The following NCOR1 variants were observed in gnomAD, a reference collection of about 807,000 sequenced individuals.
NCOR1 encodes the protein protein phosphatase 1, regulatory subunit 109.
In NCOR1, 63 loss-of-function variants were observed where a neutral mutation model predicts 288.1. The observed-to-expected ratio is 0.22, with a 90% CI of 0.18 to 0.27. NCOR1 has a LOEUF of 0.27. Ranked by LOEUF, NCOR1 falls within the 10% of genes least tolerant of loss-of-function variation. The pLI is 1.00. For missense variants in NCOR1, 2,397 were observed against 3,019.2 expected, an observed-to-expected ratio of 0.79 and a Z score of 4.83; for synonymous variants, 1,007 against 1,065.9, an observed-to-expected ratio of 0.94 and a Z score of 1.08.
intron 18 of NCOR1, among the ~76,000 whole-genome samples, chr17:16,113,035 C>G (rs919598508): frequency 2.0e-5 from 3 of 152,030 alleles, no homozygotes; most frequent in African/African-American, 7.3e-5. Context: ...CTCAGCCTCC[C>G]CAATGGCTGG....
At chr17:16,157,261 T>C (rs2079968022) in intron 6 of NCOR1, among the ~76,000 whole-genome samples, 1 of 152,216 alleles carries the variant, frequency 6.6e-6, no homozygotes, top group Non-Finnish European at 1.5e-5. Context: ...CTTCCTTTAC[T>C]GGATTTATCT....
chr17:16,139,303 G>T (rs2076841831), intron 11 of NCOR1, 117 bp from the exon 12 acceptor site: 3 of 710,998 alleles, frequency 4.2e-6, no homozygotes, highest in Non-Finnish European at 7.0e-6. Context: ...AATAACAATA[G>T]CAGTGTATAC....
intron 34 of NCOR1, 51 bp from the exon 35 acceptor site, chr17:16,064,238 T>C (rs1206911021): frequency 6.4e-7 from 1 of 1,555,744 alleles, no homozygotes; most frequent in Non-Finnish European, 8.7e-7. Context: ...ACTGACTGAG[T>C]ATATCAAACA....
intron 14 of NCOR1, among the ~76,000 whole-genome samples, chr17:16,132,377 T>A (rs1279860806): frequency 2.0e-5 from 3 of 152,168 alleles, no homozygotes; most frequent in African/African-American, 7.2e-5. Context: ...GGGAAGAAAC[T>A]CTTACTGCTA....
chr17:16,066,272 C>T (rs933445544), intron 32 of NCOR1, among the ~76,000 whole-genome samples: 12 of 151,950 alleles, frequency 7.9e-5, no homozygotes, highest in Non-Finnish European at 1.6e-4. Flanking sequence ...AAAAGAGCTA[C>T]GGAAAAAAAG....
rs762427019 is a variant in NCOR1, at chr17:16,098,368, A to G, written c.2819T>C (p.Met940Thr). The change falls in exon 21 of 46, where the codon ATG (methionine) becomes ACG (threonine). Residue 940 changes from methionine to threonine, a missense_variant and splice_region_variant. Physicochemically the swap from Met to Thr is moderately conservative, Grantham distance 81 (BLOSUM62 -1). Transcript: ENST00000268712. ...TTCTTCCTCACAATAAAAACTTACC[A>G]TTGGTGGGATAACAGCAGCTCGATG... Reference protein sequence around the residue: ...LQHRAAVIPPMVSCTPCNIPI... With the variant: ...LQHRAAVIPPTVSCTPCNIPI... The G allele has an allele frequency of 6.2e-7, 1 of 1,613,408 alleles. No homozygotes were observed. Among genetic ancestry groups the G allele is most frequent in the Non-Finnish European group, 8.5e-7 (1 of 1,179,864 alleles).
intron 14 of NCOR1, among the ~76,000 whole-genome samples, chr17:16,135,264 T>A (rs772068742): frequency 1.6e-4 from 24 of 151,872 alleles, no homozygotes; most frequent in Non-Finnish European, 2.8e-4. Context: ...GATTCCACAT[T>A]CTTTAGGGGA....
chr17:16,040,099 T>C (rs1036563918), intron 43 of NCOR1: 7 of 486,460 alleles, frequency 1.4e-5, no homozygotes, highest in Non-Finnish European at 2.8e-5. Flanking sequence ...CCAGAGACCA[T>C]CTTAATCCAC....
At chr17:16,134,905 A>T (rs190529752) in intron 14 of NCOR1, among the ~76,000 whole-genome samples, 2 of 152,308 alleles carry the variant, frequency 1.3e-5, no homozygotes, top group East Asian at 3.9e-4. Flanking sequence ...CATGCCTGTA[A>T]TCCCAGCACT....
chr17:16,058,086 T>A (rs756279314), intron 38 of NCOR1, 22 bp from the exon 39 acceptor site: 14 of 1,610,700 alleles, frequency 8.7e-6, no homozygotes, highest in Non-Finnish European at 1.2e-5. Context: ...CACATAGATG[T>A]CTTACTCCAG....
At chr17:16,115,154 C>T (rs2071320827) in intron 18 of NCOR1, among the ~76,000 whole-genome samples, 1 of 152,334 alleles carries the variant, frequency 6.6e-6, no homozygotes, top group African/African-American at 2.4e-5. Flanking sequence ...AGCCACGGCC[C>T]AAGCTGTACC....
chr17:16,049,576 C>G (rs1303427458), intron 40 of NCOR1, among the ~76,000 whole-genome samples: 1 of 151,456 alleles, frequency 6.6e-6, no homozygotes, highest in Non-Finnish European at 1.5e-5. Flanking sequence ...TAGCTCCCAC[C>G]CATTTATCAT....
intron 6 of NCOR1, 41 bp downstream of exon 6, chr17:16,158,718 TG>T (rs754424925): frequency 1.6e-6 from 2 of 1,227,716 alleles, no homozygotes; most frequent in Non-Finnish European, 2.3e-6. Context: ...CATCGTCAAG[TG>T]GGGTTAAAGG....
chr17:16,092,687 ATATATATATTTT>A (rs1321597841), intron 21 of NCOR1, among the ~76,000 whole-genome samples: 25 of 11,510 alleles, frequency 2.2e-3, no homozygotes, highest in Non-Finnish European at 2.4e-3. Context: ...ATATATATAT[ATATATATATTTT>A]TTTTTTTTTT....
At chr17:16,109,444 A>C (rs2069517109) in intron 18 of NCOR1, among the ~76,000 whole-genome samples, 1 of 152,072 alleles carries the variant, frequency 6.6e-6, no homozygotes, top group Non-Finnish European at 1.5e-5. Flanking sequence ...CTATGTAATT[A>C]CATATTCACT....
intron 23 of NCOR1, among the ~76,000 whole-genome samples, chr17:16,082,696 G>C (rs778404317): frequency 6.6e-6 from 1 of 151,358 alleles, no homozygotes; most frequent in Non-Finnish European, 1.5e-5. Context: ...TCCAGCCTGA[G>C]CAACAGAATT....
chr17:16,058,192 C>T (rs1275650353), intron 38 of NCOR1, 128 bp from the exon 39 acceptor site: 2 of 1,107,666 alleles, frequency 1.8e-6, no homozygotes, highest in South Asian at 1.9e-5. Context: ...AAGAACTTAT[C>T]TTAATTTTGG....
chr17:16,083,230 C>T (rs7504016), intron 23 of NCOR1, among the ~76,000 whole-genome samples: 1 of 150,048 alleles, frequency 6.7e-6, no homozygotes, highest in African/African-American at 2.5e-5. Context: ...AAGACTCTGT[C>T]TCAAAAAAAG....
chr17:16,127,647 A>G (rs995692095), intron 14 of NCOR1, among the ~76,000 whole-genome samples: 5 of 143,994 alleles, frequency 3.5e-5, no homozygotes, highest in African/African-American at 7.9e-5. Flanking sequence ...ATATATGTGT[A>G]TGTGTATATA....
Sources: allele counts gnomAD v4.1 joint callset (sites outside exome capture counted in the v4.1 genomes callset), GRCh38; gene constraint gnomAD v4.1.1; transcripts MANE v1.5; gene names NCBI Gene and HGNC (gene_info 2026-07-23, HGNC 2026-07-21).